KIRREL3: variants seen among roughly 807,000 people sequenced by gnomAD.
The protein encoded by KIRREL3 is kin of IRRE-like protein 3.
KIRREL3 carries 36 observed loss-of-function variants against 89.7 expected under a neutral mutation model. The ratio of observed to expected loss-of-function variants is 0.40; its 90% confidence interval spans 0.31 to 0.53. KIRREL3 has a LOEUF of 0.53. Among genes scored for constraint, KIRREL3 ranks in the 20% least tolerant of loss-of-function variants. The pLI is 0.49. For synonymous variants in KIRREL3, 445 were observed against 441.4 expected (o/e 1.01, Z -0.10); for missense variants, 864 against 1,056.6 (o/e 0.82, Z 2.53).
At chr11:126,590,874 C>G (rs1942100065) in intron 1 of KIRREL3, among the ~76,000 whole-genome samples, 1 of 152,166 alleles carries the variant, frequency 6.6e-6, no homozygotes. Flanking sequence ...CTTCTCTCCT[C>G]AAAATTTGTC....
chr11:126,734,057 C>G lies in KIRREL3; in HGVS notation c.56-171145G>C, dbSNP rs1414367806. Reference sequence around the variant, plus strand: ...AGGTGTGGGCTGTCAGCATGAGGATCACCTGGGAGCCCCACTCCAGAACTA... The same window carrying G: ...AGGTGTGGGCTGTCAGCATGAGGATGACCTGGGAGCCCCACTCCAGAACTA... On this transcript the variant is annotated intron_variant, in intron 1 of 16. Coordinates refer to ENST00000525144, the MANE Select transcript of KIRREL3 (RefSeq NM_032531.4). The surrounding 1 kb of genome is among the most constrained non-coding windows in gnomAD (Gnocchi z 5.9). Among the ~76,000 whole-genome samples the G allele has an allele frequency of 6.6e-6, 1 of 152,184 alleles. No individual in the cohort carries two copies. Among genetic ancestry groups the G allele is most frequent in the Non-Finnish European group, 1.5e-5 (1 of 68,036 alleles).
At chr11:126,469,629 C>T (rs1956829704) in intron 5 of KIRREL3, among the ~76,000 whole-genome samples, 2 of 152,326 alleles carry the variant, frequency 1.3e-5, no homozygotes, top group Middle Eastern at 3.4e-3. Context: ...CTGACGTGTG[C>T]GGGCTCTGCT....
At chr11:126,787,892 G>C (rs1950528446) in intron 1 of KIRREL3, among the ~76,000 whole-genome samples, 1 of 152,150 alleles carries the variant, frequency 6.6e-6, no homozygotes, top group Non-Finnish European at 1.5e-5. Flanking sequence ...CTTCTTCTTG[G>C]CATTCATTAA....
At chr11:126,446,336 C>CT (rs1955813697) in intron 9 of KIRREL3, among the ~76,000 whole-genome samples, 1 of 147,922 alleles carries the variant, frequency 6.8e-6, no homozygotes, top group Admixed American at 6.8e-5. Context: ...TTCTTTCTTT[C>CT]CTTTCTTCTT....
Position 126,877,824 on chromosome 11 carries a change from C to T in KIRREL3, c.55+122631G>A, listed in dbSNP as rs763846601. Among the ~76,000 whole-genome samples, 1 of 152,172 alleles carries T rather than the reference C, an allele frequency of 6.6e-6. No homozygotes were observed. Among genetic ancestry groups the T allele is most frequent in the Non-Finnish European group, 1.5e-5 (1 of 68,028 alleles). On this transcript the variant is annotated intron_variant, in intron 1 of 16. Transcript: ENST00000525144. The surrounding 1 kb of genome is among the most constrained non-coding windows in gnomAD (Gnocchi z 4.9). ...CAGTAGTATGTAATAACAGAAGTAT[C>T]TTGAACCTATCATCCACATGTTTTT...
chr11:126,921,323 T>C (rs1322590611), intron 1 of KIRREL3, among the ~76,000 whole-genome samples: 1 of 152,206 alleles, frequency 6.6e-6, no homozygotes, highest in Non-Finnish European at 1.5e-5. Context: ...AGAAGGTTTA[T>C]CATGGGACTT....
rs1951332136 is a variant in KIRREL3 at position 126,810,132 on chromosome 11, GT to G, written c.55+190322del. 2.0e-5 allele frequency among the ~76,000 whole-genome samples: 3 copies of G among 152,262 alleles called. No individual in the cohort carries two copies. In the East Asian group the frequency reaches 5.8e-4, roughly 29 times the overall value. The stretch of plus-strand genomic sequence containing the variant: ...AAGGATGATGGGGAGGGGGAGTGCT[GT>G]CATCCCCTTGCTCACACTGGACTAA... On this transcript the variant is annotated intron_variant, in intron 1 of 16. Transcript: ENST00000525144.
chr11:126,915,083 T>C (rs1051186985), intron 1 of KIRREL3, among the ~76,000 whole-genome samples: 1 of 152,174 alleles, frequency 6.6e-6, no homozygotes, highest in Non-Finnish European at 1.5e-5. Flanking sequence ...AAAGACATGA[T>C]TACACCATAT....
chr11:126,588,547 G>A (rs73627238), intron 1 of KIRREL3, among the ~76,000 whole-genome samples: 4,192 of 152,252 alleles, frequency 0.028, 204 homozygotes, highest in African/African-American at 0.095. Context: ...AGGAGTCCTT[G>A]CCAAAATTTC....
intron 1 of KIRREL3, chr11:126,936,827 G>A (rs1170281421): frequency 6.6e-6 from 1 of 152,180 alleles, no homozygotes; most frequent in Admixed American, 6.5e-5. Flanking sequence ...AAACTAGATT[G>A]TAGTGATGTC....
In KIRREL3 at chr11:126,782,152, A is replaced by C. The variant is rs1735956223; in HGVS notation, c.55+218303T>G. Among the ~76,000 whole-genome samples, 1 of 152,144 alleles carries C rather than the reference A, an allele frequency of 6.6e-6. No homozygotes were observed. The highest frequency in any genetic ancestry group is 6.5e-5 in the Admixed American group (1 of 15,276). ...TTCCTAGGAATTAGGTTCAGGCCTG[A>C]GACTTAAAAGAGTCCTGTGTGATCT... On this transcript the variant is annotated intron_variant, in intron 1 of 16. Transcript: ENST00000525144. This position sits in a 1 kb window ranked among gnomAD's most constrained non-coding sequence, Gnocchi z 4.1.
intron 4 of KIRREL3, among the ~76,000 whole-genome samples, chr11:126,500,506 G>A (rs1029455964): frequency 4.6e-5 from 7 of 152,184 alleles, no homozygotes; most frequent in East Asian, 1.9e-4. Context: ...TCGGGAGGCC[G>A]AGGCGAGTGG....
At chr11:126,815,658 C>T (rs1009303781) in intron 1 of KIRREL3, among the ~76,000 whole-genome samples, 1 of 152,078 alleles carries the variant, frequency 6.6e-6, no homozygotes, top group African/African-American at 2.4e-5. Flanking sequence ...CTCAGCCTCC[C>T]GAGTAGCTGG....
Position 126,744,873 on chromosome 11 carries a change from T to G in KIRREL3, c.56-181961A>C, listed in dbSNP as rs1949092934. Among the ~76,000 whole-genome samples the G allele has an allele frequency of 1.6e-5, 1 of 63,186 alleles. No homozygotes were observed. Among genetic ancestry groups the G allele is most frequent in the Non-Finnish European group, 3.0e-5 (1 of 33,548 alleles). 41.5% of individuals were successfully genotyped at this position (63,186 alleles called of 152,430 possible). A position where few individuals can be genotyped will look rare whatever the true frequency, so the allele number is the denominator to read the frequency against. On this transcript the variant is annotated intron_variant, in intron 1 of 16. Coordinates refer to ENST00000525144, the MANE Select transcript of KIRREL3 (RefSeq NM_032531.4). This position sits in a 1 kb window ranked among gnomAD's most constrained non-coding sequence, Gnocchi z 4.7. ...TAAATTGTGTCTGCCACATAGTAAG[T>G]GCTAAAAAAAAAAAAAAAGGTGGGA...
Position 126,992,764 on chromosome 11 carries a change from C to T in KIRREL3, c.55+7691G>A, listed in dbSNP as rs545809185. Among the ~76,000 whole-genome samples the T allele has an allele frequency of 2.0e-5, 3 of 152,192 alleles. No individual in the cohort carries two copies. In the South Asian group the frequency reaches 6.2e-4, roughly 32 times the overall value. On this transcript the variant is annotated intron_variant, in intron 1 of 16. Coordinates refer to ENST00000525144, the MANE Select transcript of KIRREL3 (RefSeq NM_032531.4). ...GCTGTTTCCTCTTCTGGTTAGCACC[C>T]ATCTTCAATGTTAGGCTGCCTGCGC...
chr11:126,836,826 T>C (rs1010539945), intron 1 of KIRREL3, among the ~76,000 whole-genome samples: 3 of 152,128 alleles, frequency 2.0e-5, no homozygotes, highest in African/African-American at 7.2e-5. Context: ...AACCTGGTGG[T>C]CATGGAAGCC....
At chr11:126,751,670 A>G (rs947463806) in intron 1 of KIRREL3, among the ~76,000 whole-genome samples, 1 of 152,136 alleles carries the variant, frequency 6.6e-6, no homozygotes, top group Admixed American at 6.5e-5. Context: ...TTTTGAGGAA[A>G]AAAAAAAAGA....
At chr11:126,762,071 C>T (rs1218803111) in intron 1 of KIRREL3, among the ~76,000 whole-genome samples, 6 of 151,946 alleles carry the variant, frequency 3.9e-5, no homozygotes, top group African/African-American at 1.5e-4. Context: ...CCACCAGTTG[C>T]ATGTTGAGGC....
upstream of KIRREL3, chr11:127,003,299 G>A (rs576263356): frequency 7.9e-5 from 12 of 152,390 alleles, no homozygotes; most frequent in African/African-American, 2.9e-4. Flanking sequence ...CAGCCTCGAC[G>A]GCGGCCCCGC....
Sources: allele counts gnomAD v4.1 joint callset (sites outside exome capture counted in the v4.1 genomes callset), GRCh38; gene constraint gnomAD v4.1.1; non-coding constraint Gnocchi (gnomAD v3.1); transcripts MANE v1.5; gene names NCBI Gene and HGNC (gene_info 2026-07-23, HGNC 2026-07-21).